The following PACRGL variants were observed in gnomAD, a reference collection of about 807,000 sequenced individuals.
PACRGL encodes parkin coregulated like.
Under a neutral mutation model 34.5 loss-of-function variants are expected in PACRGL, and 38 were observed. The observed-to-expected ratio is 1.10, with a 90% CI of 0.85 to 1.44. PACRGL has a LOEUF of 1.44. Ranked by LOEUF, PACRGL falls within the 40% of genes most tolerant of loss-of-function variation. The pLI is 0.00. For synonymous variants in PACRGL, 128 were observed against 100.1 expected (o/e 1.28, Z -1.66); for missense variants, 305 against 281.4 (o/e 1.08, Z -0.60).
intron 4 of PACRGL, among the ~76,000 whole-genome samples, chr4:20,708,072 T>C (rs1013664289): frequency 1.3e-5 from 2 of 152,250 alleles, no homozygotes; most frequent in African/African-American, 2.4e-5. Context: ...AATACAGTTA[T>C]TGGGATCTAT....
At chr4:20,712,607 G>C in intron 5 of PACRGL, 181 bp from the exon 6 acceptor site, 1 of 528,200 alleles carries the variant, frequency 1.9e-6, no homozygotes, top group East Asian at 3.6e-5. Context: ...GGGATACCAA[G>C]GGACCCTTTG....
At chr4:20,716,333 G>GT (rs34030649) in intron 7 of PACRGL, 94,062 of 489,974 alleles carry the variant, frequency 0.19, 3,947 homozygotes, top group East Asian at 0.28. Context: ...TTCATGCAGT[G>GT]TTTTTTTTTT....
chr4:20,762,353 G>T, the PACRGL span, among the ~76,000 whole-genome samples: 1 of 152,108 alleles, frequency 6.6e-6, no homozygotes, highest in Non-Finnish European at 1.5e-5. Flanking sequence ...CAACATATGA[G>T]TTCTAAAGGG....
intron 7 of PACRGL, among the ~76,000 whole-genome samples, chr4:20,715,954 C>A (rs1173449183): frequency 1.3e-5 from 2 of 152,072 alleles, no homozygotes; most frequent in African/African-American, 4.8e-5. Context: ...GTAAGCAGTG[C>A]CCATACACTG....
intron 8 of PACRGL, among the ~76,000 whole-genome samples, chr4:20,738,103 C>A: frequency 6.6e-6 from 1 of 150,656 alleles, no homozygotes; most frequent in African/African-American, 2.5e-5. Flanking sequence ...GTGCTTCAGC[C>A]TGGATGACAG....
Position 20,749,681 on chromosome 4 carries a change from T to C in PACRGL, c.*57-2884T>C, listed in dbSNP as rs767393802. The C allele has an allele frequency of 3.1e-6, 5 of 1,607,558 alleles. No homozygotes were observed. Among genetic ancestry groups the C allele is most frequent in the East Asian group, 2.2e-5 (1 of 44,716 alleles). On this transcript the variant is annotated intron_variant, in intron 8 of 8. Transcript: ENST00000507634. ...GCTTACCTCGAAACTCACAGCTCCATTGTGGTCTGTATCAAATGCATTGAA... is the reference window on the plus strand; with the variant it reads ...GCTTACCTCGAAACTCACAGCTCCACTGTGGTCTGTATCAAATGCATTGAA...
At chr4:20,725,527 C>T (rs1056708051) in intron 8 of PACRGL, among the ~76,000 whole-genome samples, 2 of 152,066 alleles carry the variant, frequency 1.3e-5, no homozygotes, top group African/African-American at 2.4e-5. Flanking sequence ...CAGATAATCT[C>T]GTCTTAGAAA....
Position 20,729,894 on chromosome 4 carries a change from G to GAAAAGGATGCAAATTTATA in PACRGL, c.*2555_*2573dup. 1.8e-6 allele frequency: 1 copy of GAAAAGGATGCAAATTTATA among 549,174 alleles called. No individual in the cohort carries two copies. The highest frequency in any genetic ancestry group is 3.0e-6 in the Non-Finnish European group (1 of 335,724). 34.0% of individuals were successfully genotyped at this position (549,174 alleles called of 1,614,324 possible). On this transcript the variant is annotated 3_prime_UTR_variant, in exon 9 of 9. Coordinates refer to ENST00000503585, the MANE Select transcript of PACRGL (RefSeq NM_001258345.3). ...CATCCCCTGAACTCAGTGGCATTATGAAAAGGATGCAAATTTATAACTGAA... is the reference window on the plus strand; with the variant it reads ...CATCCCCTGAACTCAGTGGCATTATGAAAAGGATGCAAATTTATAAAAAGGATGCAAATTTATAACTGAA...
At chr4:20,762,889 C>A in the PACRGL span, among the ~76,000 whole-genome samples, 1 of 152,102 alleles carries the variant, frequency 6.6e-6, no homozygotes, top group Non-Finnish European at 1.5e-5. Context: ...CCTGGGAAGG[C>A]CTCAGGAAAC....
chr4:20,714,127 G>T (rs1217195333), intron 7 of PACRGL, among the ~76,000 whole-genome samples: 2 of 152,096 alleles, frequency 1.3e-5, no homozygotes, highest in Non-Finnish European at 2.9e-5. Context: ...TATTGTGTGG[G>T]AGTCGAAATC....
At chr4:20,724,947 T>C in intron 8 of PACRGL, 59 bp downstream of exon 8, 1 of 948,436 alleles carries the variant, frequency 1.1e-6, no homozygotes, top group East Asian at 2.9e-5. Flanking sequence ...ATTACTAAAT[T>C]GACATATATA....
chr4:20,726,838 G>T (rs1380323091), intron 8 of PACRGL, among the ~76,000 whole-genome samples: 1 of 152,066 alleles, frequency 6.6e-6, no homozygotes, highest in Non-Finnish European at 1.5e-5. Flanking sequence ...TTTGGAAAAG[G>T]CACAATGCAA....
At chr4:20,757,602 T>C (rs1450993789), downstream of PACRGL, among the ~76,000 whole-genome samples, 14 of 152,190 alleles carry the variant, frequency 9.2e-5, no homozygotes, top group Admixed American at 8.5e-4. Context: ...TCTGACCCTT[T>C]GTTTACACCC....
chr4:20,701,951 T>C, intron 1 of PACRGL: 1 of 455,024 alleles, frequency 2.2e-6, no homozygotes, highest in Non-Finnish European at 4.4e-6. Context: ...TACAGGATTT[T>C]GAAAGGGGAT....
chr4:20,713,078 TTA>T, intron 6 of PACRGL, 156 bp downstream of exon 6: 1 of 762,970 alleles, frequency 1.3e-6, no homozygotes, highest in Non-Finnish European at 1.9e-6. Flanking sequence ...TAGGCAACTG[TTA>T]CTCAGGGCCA....
At chr4:20,727,092 T>C (rs1746027481) in intron 8 of PACRGL, among the ~76,000 whole-genome samples, 193 bp from the exon 9 acceptor site, 1 of 152,162 alleles carries the variant, frequency 6.6e-6, no homozygotes, top group Non-Finnish European at 1.5e-5. Flanking sequence ...TCTAGTTAGA[T>C]ACTTCAAAAA....
the PACRGL span, among the ~76,000 whole-genome samples, chr4:20,762,399 TA>T: frequency 6.6e-6 from 1 of 152,184 alleles, no homozygotes; most frequent in South Asian, 2.1e-4. Flanking sequence ...GACCAATAAC[TA>T]AATATTAAAA....
At chr4:20,766,230 A>G in the PACRGL span, among the ~76,000 whole-genome samples, 4 of 152,198 alleles carry the variant, frequency 2.6e-5, no homozygotes, top group Non-Finnish European at 4.4e-5. Context: ...AGAAAATAGC[A>G]GATCTAATCT....
intron 7 of PACRGL, among the ~76,000 whole-genome samples, chr4:20,714,310 A>G (rs1738739437): frequency 6.6e-6 from 1 of 152,198 alleles, no homozygotes; most frequent in African/African-American, 2.4e-5. Flanking sequence ...ATCCAAGACT[A>G]GAACTGCAAC....
Sources: gnomAD v4.1 joint callset for allele counts (sites outside exome capture counted in the v4.1 genomes callset) on GRCh38, gnomAD v4.1.1 for gene constraint, MANE v1.5 for transcripts, NCBI Gene and HGNC (gene_info 2026-07-23, HGNC 2026-07-21) for gene names.